LHFPL3: variants seen among roughly 807,000 people sequenced by gnomAD.
The protein encoded by LHFPL3 is LHFPL tetraspan subfamily member 3 protein.
Under a neutral mutation model 19.3 loss-of-function variants are expected in LHFPL3, and 5 were observed. The ratio of observed to expected loss-of-function variants is 0.26; its 90% CI spans 0.14 to 0.54. LHFPL3 has a LOEUF of 0.54. LHFPL3 is among the 20% of genes least tolerant of loss of function. The pLI is 0.94. For synonymous variants in LHFPL3, 133 were observed against 126.2 expected (o/e 1.05, Z -0.36); for missense variants, 249 against 307.4 (o/e 0.81, Z 1.42).
chr7:104,851,623 CAGCT>C (rs899512063), intron 2 of LHFPL3, among the ~76,000 whole-genome samples: 24 of 152,358 alleles, frequency 1.6e-4, no homozygotes, highest in African/African-American at 5.5e-4. Flanking sequence ...CTCCTCAACA[CAGCT>C]CTGGGCCTAC....
chr7:104,607,128 G>A (rs1004315356), intron 1 of LHFPL3, among the ~76,000 whole-genome samples: 18 of 152,226 alleles, frequency 1.2e-4, no homozygotes, highest in African/African-American at 4.3e-4. Flanking sequence ...CCTAACCTTG[G>A]GGCCTTTCAT....
At chr7:104,628,628 G>A (rs943850461) in intron 1 of LHFPL3, among the ~76,000 whole-genome samples, 3 of 152,186 alleles carry the variant, frequency 2.0e-5, no homozygotes, top group African/African-American at 7.2e-5. Flanking sequence ...AAATTTTCAA[G>A]TAGATTTTGC....
chr7:104,425,828 C>T (rs1791833729), intron 1 of LHFPL3, among the ~76,000 whole-genome samples: 1 of 152,156 alleles, frequency 6.6e-6, no homozygotes, highest in Non-Finnish European at 1.5e-5. Context: ...AGATAGAGGA[C>T]TAAATGGAGT....
At chr7:104,588,087 C>G (rs1474573324) in intron 1 of LHFPL3, among the ~76,000 whole-genome samples, 1 of 152,136 alleles carries the variant, frequency 6.6e-6, no homozygotes, top group Admixed American at 6.5e-5. Flanking sequence ...TCTGATGGCA[C>G]TTTCTTTTGC....
chr7:104,733,465 A>G (rs1230398577), intron 1 of LHFPL3, among the ~76,000 whole-genome samples: 1 of 152,060 alleles, frequency 6.6e-6, no homozygotes, highest in African/African-American at 2.4e-5. Context: ...TCATCCCTTT[A>G]CCATTATGTA....
At position 104,366,601 on chromosome 7, in the gene LHFPL3, CTA is replaced by C. The variant is rs1436678875; in HGVS notation, c.445+37379_445+37380del. Reference sequence around the variant, plus strand: ...CGTCAAGGGCTTTCCCTTCCTTTCTCTATGACTGACTTCACAAATAAGAGGTA... The same window carrying C: ...CGTCAAGGGCTTTCCCTTCCTTTCTCTGACTGACTTCACAAATAAGAGGTA... On this transcript the variant is annotated intron_variant, in intron 1 of 2. Transcript: ENST00000424859. Among the ~76,000 whole-genome samples, 3 of 152,220 alleles carry C rather than the reference CTA, an allele frequency of 2.0e-5. No individual in the cohort carries two copies. In the East Asian group the frequency reaches 5.8e-4, roughly 29 times the overall value.
rs184379972 is a variant in LHFPL3 at position 104,664,928 on chromosome 7, A to G, written c.446-71747A>G. Among the ~76,000 whole-genome samples the G allele has an allele frequency of 2.6e-3, 332 of 126,754 alleles. 2 individuals are homozygous for G. The highest frequency in any genetic ancestry group is 3.8e-3 in the Non-Finnish European group (220 of 58,158). The allele number at this position is 126,754 out of a possible 152,430, so 83.2% of individuals were successfully genotyped here. On this transcript the variant is annotated intron_variant, in intron 1 of 2. Transcript: ENST00000424859. ...CAACTCTACATCATGGAAAAGAAAC[A>G]TGTGTCCTTGAAAGACCTCTAGCCA...
chr7:104,519,192 C>A (rs985088944), intron 1 of LHFPL3, among the ~76,000 whole-genome samples: 2 of 152,022 alleles, frequency 1.3e-5, no homozygotes, highest in African/African-American at 4.8e-5. Context: ...CTGGAAATAA[C>A]AACATAAGCT....
rs1429551908 is a variant in LHFPL3 at position 104,554,631 on chromosome 7, TTAGATAGACAGA to T, written c.446-182035_446-182024del. On this transcript the variant is annotated intron_variant, in intron 1 of 2. Coordinates refer to ENST00000424859, the MANE Select transcript of LHFPL3 (RefSeq NM_199000.3). ...ACAGAGGCAGAACTAATAGGATAGA[TTAGATAGACAGA>T]TAGATAGATAGATAGATAGATAGAT... Among the ~76,000 whole-genome samples the T allele has an allele frequency of 6.5e-4, 92 of 141,922 alleles. 1 individual carries two copies. The highest frequency in any genetic ancestry group is 1.6e-3 in the African/African-American group (60 of 38,376). The allele number at this position is 141,922 out of a possible 152,430, so 93.1% of individuals were successfully genotyped here.
chr7:104,893,027 G>A (rs527894372), intron 2 of LHFPL3, among the ~76,000 whole-genome samples: 7 of 152,050 alleles, frequency 4.6e-5, no homozygotes, highest in African/African-American at 1.2e-4. Flanking sequence ...ACAACATAGC[G>A]AGAAACTATC....
At chr7:104,604,325 G>T (rs1053310511) in intron 1 of LHFPL3, among the ~76,000 whole-genome samples, 3 of 152,184 alleles carry the variant, frequency 2.0e-5, no homozygotes, top group African/African-American at 7.2e-5. Flanking sequence ...GCTCTGAGCA[G>T]CAAAACCAGG....
chr7:104,628,599 CTTG>C (rs1041789881), intron 1 of LHFPL3, among the ~76,000 whole-genome samples: 19 of 152,094 alleles, frequency 1.2e-4, no homozygotes, highest in Non-Finnish European at 2.4e-4. Flanking sequence ...CAAATCTTCC[CTTG>C]TTGTCCTATC....
intron 2 of LHFPL3, among the ~76,000 whole-genome samples, chr7:104,846,944 C>G (rs1251997695): frequency 2.0e-5 from 3 of 152,180 alleles, no homozygotes; most frequent in Admixed American, 6.5e-5. Flanking sequence ...TCATTTTCCA[C>G]TGTAGGATTA....
chr7:104,472,462 A>G (rs1792930786), intron 1 of LHFPL3, among the ~76,000 whole-genome samples: 1 of 152,234 alleles, frequency 6.6e-6, no homozygotes, highest in Non-Finnish European at 1.5e-5. Context: ...AGAACAAAGA[A>G]TAAAATAAAA....
intron 2 of LHFPL3, among the ~76,000 whole-genome samples, chr7:104,891,570 G>A (rs750684499): frequency 2.0e-5 from 3 of 152,130 alleles, no homozygotes; most frequent in Non-Finnish European, 4.4e-5. Flanking sequence ...GTTTCAGAGG[G>A]GACATTCAAA....
chr7:104,390,533 G>A (rs1043045075), intron 1 of LHFPL3, among the ~76,000 whole-genome samples: 2 of 152,250 alleles, frequency 1.3e-5, no homozygotes, highest in Non-Finnish European at 2.9e-5. Flanking sequence ...TTAAGGCTGC[G>A]TAGTATTCCA....
intron 2 of LHFPL3, chr7:104,803,860 T>C (rs899696140): frequency 2.6e-5 from 4 of 152,382 alleles, no homozygotes; most frequent in Admixed American, 2.6e-4. Flanking sequence ...TACATAGTTT[T>C]GGTATTGCAC....
intron 1 of LHFPL3, among the ~76,000 whole-genome samples, chr7:104,471,977 A>G (rs1334260885): frequency 1.3e-5 from 2 of 152,150 alleles, no homozygotes; most frequent in African/African-American, 2.4e-5. Context: ...CAGGAGTTCA[A>G]GATCAGCCTG....
At chr7:104,591,077 T>A (rs545165804) in intron 1 of LHFPL3, among the ~76,000 whole-genome samples, 41 of 152,302 alleles carry the variant, frequency 2.7e-4, no homozygotes, top group African/African-American at 8.9e-4. Context: ...AATTTGCCAG[T>A]CTGTGTCTTT....
Sources: allele counts gnomAD v4.1 joint callset (sites outside exome capture counted in the v4.1 genomes callset), GRCh38; gene constraint gnomAD v4.1.1; transcripts MANE v1.5; gene names NCBI Gene and HGNC (gene_info 2026-07-23, HGNC 2026-07-21).